PIK3R1: variants seen among roughly 807,000 people sequenced by gnomAD.
PIK3R1 encodes the protein phosphatidylinositol 3-kinase regulatory subunit alpha.
In PIK3R1, 29 loss-of-function variants were observed where a neutral mutation model predicts 98.0. That is an observed-to-expected ratio of 0.30 (90% CI 0.22 to 0.40). The LOEUF is 0.40. PIK3R1 is among the 10% of genes least tolerant of loss of function. PIK3R1 has a pLI of 1.00. For missense variants in PIK3R1, 596 were observed against 872.7 expected (o/e 0.68, Z 3.99); for synonymous variants, 282 against 311.8 (o/e 0.90, Z 1.01).
At chr5:68,222,977 C>T (rs1306213431) in intron 1 of PIK3R1, among the ~76,000 whole-genome samples, 2 of 151,650 alleles carry the variant, frequency 1.3e-5, no homozygotes, top group African/African-American at 2.4e-5. Context: ...ACTGATAGTA[C>T]CTGTTTTTAT....
chr5:68,227,114 G>A lies in PIK3R1; in HGVS notation c.334+105G>A, dbSNP rs185168400. On this transcript the variant is annotated intron_variant, in intron 2 of 15. Transcript: ENST00000521381. Reference sequence around the variant, plus strand: ...TTATGTTCTGGGCAGAAGTTACCTTGGCAACTGCACCTGAATTGATGTGTG... The same window carrying A: ...TTATGTTCTGGGCAGAAGTTACCTTAGCAACTGCACCTGAATTGATGTGTG... 515 of 943,778 alleles carry A rather than the reference G, an allele frequency of 5.5e-4. 1 individual carries two copies. The East Asian group carries it at 7.6e-3, about 14-fold the overall frequency. The allele number at this position is 943,778 out of a possible 1,614,324, so 58.5% of individuals were successfully genotyped here.
At chr5:68,250,377 T>C (rs1049437937) in intron 2 of PIK3R1, among the ~76,000 whole-genome samples, 6 of 152,176 alleles carry the variant, frequency 3.9e-5, no homozygotes, top group Admixed American at 3.9e-4. Context: ...GCCCTTTGCT[T>C]TTCCCCAGCT....
intron 2 of PIK3R1, among the ~76,000 whole-genome samples, chr5:68,255,436 T>C (rs1464488286): frequency 6.6e-6 from 1 of 152,136 alleles, no homozygotes; most frequent in Non-Finnish European, 1.5e-5. Flanking sequence ...GCTTCAGCAG[T>C]GGGGTAAAAC....
chr5:68,288,529 A>C, intron 7 of PIK3R1: 1 of 1,261,716 alleles, frequency 7.9e-7, no homozygotes, highest in Non-Finnish European at 1.0e-6. Flanking sequence ...GAGCCGAGCC[A>C]AGCGGAGCTG....
intron 2 of PIK3R1, among the ~76,000 whole-genome samples, chr5:68,267,273 C>A (rs540578357): frequency 6.6e-6 from 1 of 152,258 alleles, no homozygotes; most frequent in Admixed American, 6.5e-5. Flanking sequence ...AACTCTGAGG[C>A]TTTAGCTAAG....
chr5:68,239,538 CTTA>C (rs1477219957), intron 2 of PIK3R1, among the ~76,000 whole-genome samples: 1 of 152,174 alleles, frequency 6.6e-6, no homozygotes, highest in East Asian at 1.9e-4. Flanking sequence ...TGACACTGGC[CTTA>C]TTATACCTGT....
intron 5 of PIK3R1, chr5:68,280,127 T>A (rs1177445118): frequency 3.3e-6 from 1 of 302,766 alleles, no homozygotes; most frequent in Non-Finnish European, 6.1e-6. Flanking sequence ...AAGATGGCTC[T>A]CAGTTTTAGG....
intron 2 of PIK3R1, among the ~76,000 whole-genome samples, chr5:68,245,687 C>A (rs148675775): frequency 5.7e-4 from 87 of 152,116 alleles, no homozygotes; most frequent in African/African-American, 2.0e-3. Context: ...ACATTTGGGA[C>A]AAACATGAAA....
At chr5:68,290,827 C>T in intron 7 of PIK3R1, 1 of 1,607,080 alleles carries the variant, frequency 6.2e-7, no homozygotes, top group Non-Finnish European at 8.5e-7. Context: ...TAGAAATGGA[C>T]CCACCAGGTA....
intron 14 of PIK3R1, chr5:68,295,844 G>A: frequency 2.2e-6 from 1 of 446,958 alleles, no homozygotes; most frequent in Non-Finnish European, 4.0e-6. Context: ...TCAAAAACTG[G>A]CAATCTGCCT....
intron 1 of PIK3R1, chr5:68,217,632 G>A (rs2111920012): frequency 7.2e-6 from 1 of 138,686 alleles, no homozygotes; most frequent in African/African-American, 3.0e-5. Flanking sequence ...GTGTGGGGGT[G>A]TGTGTGTGTG....
At position 68,301,444 on chromosome 5, in the gene PIK3R1, A is replaced by ATATATATATATGTG. The variant is rs1561308637; in HGVS notation, c.*3857_*3870dup. 1 of 112,464 alleles carries ATATATATATATGTG rather than the reference A, an allele frequency of 8.9e-6. No homozygotes were observed. Among genetic ancestry groups the ATATATATATATGTG allele is most frequent in the African/African-American group, 3.8e-5 (1 of 26,078 alleles). 7.0% of individuals were successfully genotyped at this position (112,464 alleles called of 1,614,324 possible). The stretch of plus-strand genomic sequence containing the variant: ...TATATATATATATATGTGTGTGTAT[A>ATATATATATATGTG]TATATATATATGTGTATATATATAT... On this transcript the variant is annotated 3_prime_UTR_variant, in exon 16 of 16. Coordinates refer to ENST00000521381, the MANE Select transcript of PIK3R1 (RefSeq NM_181523.3).
chr5:68,225,314 G>T (rs533719279), intron 1 of PIK3R1, among the ~76,000 whole-genome samples: 1 of 151,188 alleles, frequency 6.6e-6, no homozygotes, highest in East Asian at 1.9e-4. Context: ...AATTGTGGCC[G>T]ATTGCCAAAT....
At chr5:68,239,110 G>A (rs992044667) in intron 2 of PIK3R1, among the ~76,000 whole-genome samples, 2 of 152,180 alleles carry the variant, frequency 1.3e-5, no homozygotes, top group African/African-American at 4.8e-5. Context: ...ATAAGCAGGA[G>A]CTCAGGAAAG....
intron 2 of PIK3R1, among the ~76,000 whole-genome samples, chr5:68,247,860 TGG>T (rs1366227657): frequency 9.2e-5 from 14 of 152,184 alleles, no homozygotes; most frequent in Admixed American, 5.9e-4. Context: ...TTCCAGATCA[TGG>T]GCACCATACA....
At chr5:68,282,208 A>C (rs978056553) in intron 7 of PIK3R1, among the ~76,000 whole-genome samples, 4 of 152,206 alleles carry the variant, frequency 2.6e-5, no homozygotes, top group Admixed American at 2.0e-4. Context: ...AGGGACTAGG[A>C]CTTCAGTCCA....
intron 7 of PIK3R1, among the ~76,000 whole-genome samples, chr5:68,286,351 G>C (rs1274281374): frequency 6.6e-6 from 1 of 152,190 alleles, no homozygotes; most frequent in Non-Finnish European, 1.5e-5. Context: ...CGTGAAAACT[G>C]TACTTTTGAT....
chr5:68,228,442 A>C (rs1034580315), intron 2 of PIK3R1, among the ~76,000 whole-genome samples: 1 of 152,222 alleles, frequency 6.6e-6, no homozygotes. Context: ...ATGTTCAAAT[A>C]ATATCTTTTA....
rs1318967118 is a variant in PIK3R1, at chr5:68,272,647, G to C, written c.335-743G>C. On this transcript the variant is annotated intron_variant, in intron 2 of 15. Transcript: ENST00000521381. ...TAGATTTTTTGGTATCATTGTAAAT[G>C]GTTAAAACGCATGCAAAAAGTTTAC... Among the ~76,000 whole-genome samples the C allele has an allele frequency of 3.3e-5, 5 of 152,032 alleles. No homozygotes were observed. In the East Asian group the frequency reaches 9.6e-4, roughly 29 times the overall value.
Sources: allele counts gnomAD v4.1 joint callset (sites outside exome capture counted in the v4.1 genomes callset), GRCh38; gene constraint gnomAD v4.1.1; transcripts MANE v1.5; gene names NCBI Gene and HGNC (gene_info 2026-07-23, HGNC 2026-07-21).